The following EPHA3 variants were observed in gnomAD, a reference collection of about 807,000 sequenced individuals.
The protein encoded by EPHA3 is EPH receptor A3, also known as ephrin type-A receptor 3.
EPHA3 carries 42 observed loss-of-function variants against 107.1 expected under a neutral mutation model. The ratio of observed to expected loss-of-function variants is 0.39; its 90% CI spans 0.31 to 0.51. The LOEUF is 0.51. EPHA3 is among the 20% of genes least tolerant of loss of function. EPHA3 has a pLI of 0.78. For missense variants in EPHA3, 1,183 were observed against 1,211.2 expected, an observed-to-expected ratio of 0.98 and a Z score of 0.35; for synonymous variants, 461 against 424.8, an observed-to-expected ratio of 1.09 and a Z score of -1.05.
intron 5 of EPHA3, among the ~76,000 whole-genome samples, chr3:89,389,293 G>A (rs1459943816): frequency 6.6e-6 from 1 of 152,138 alleles, no homozygotes; most frequent in Admixed American, 6.5e-5. Flanking sequence ...AAACTGAGAA[G>A]GAAATGTTCC....
At chr3:89,460,489 T>C (rs1267172271) in intron 15 of EPHA3, among the ~76,000 whole-genome samples, 3 of 151,824 alleles carry the variant, frequency 2.0e-5, no homozygotes, top group Non-Finnish European at 2.9e-5. Context: ...TTTGAAGGGA[T>C]TTATTTTTAT....
intron 13 of EPHA3, among the ~76,000 whole-genome samples, chr3:89,434,657 G>A (rs1709632853): frequency 2.0e-5 from 3 of 152,194 alleles, no homozygotes; most frequent in South Asian, 4.1e-4. Context: ...GAGAACACAG[G>A]GGGTTAACTC....
chr3:89,413,215 G>A lies in EPHA3; in HGVS notation c.1837G>A (p.Ala613Thr), dbSNP rs1323282781. The change falls in exon 10 of 17, where the codon GCC becomes ACC. Residue 613 changes from alanine to threonine, a missense_variant. Physicochemically the swap from Ala to Thr is moderately conservative, Grantham distance 58. Transcript: ENST00000336596. ...CCCTACCCAAGCTGTTCATGAGTTT[G>A]CCAAGGAATTGGATGCCACCAACAT... ...EDPTQAVHEF[A>T]KELDATNISI... 5.0e-6 allele frequency: 8 copies of A among 1,611,922 alleles called. No homozygotes were observed. The highest frequency in any genetic ancestry group is 6.8e-6 in the Non-Finnish European group (8 of 1,178,506).
intron 3 of EPHA3, among the ~76,000 whole-genome samples, chr3:89,320,458 C>T (rs1036835879): frequency 3.3e-5 from 5 of 151,946 alleles, no homozygotes; most frequent in African/African-American, 9.7e-5. Flanking sequence ...ATATTATCTT[C>T]GCTTTAGGGG....
intron 2 of EPHA3, among the ~76,000 whole-genome samples, chr3:89,192,300 A>G (rs1019193319): frequency 2.6e-5 from 4 of 152,178 alleles, no homozygotes; most frequent in African/African-American, 9.7e-5. Flanking sequence ...AACACCTACA[A>G]TACTGTGAGT....
At chr3:89,298,700 C>T (rs1706418166) in intron 3 of EPHA3, among the ~76,000 whole-genome samples, 1 of 151,830 alleles carries the variant, frequency 6.6e-6, no homozygotes. Flanking sequence ...ATTGGAGATG[C>T]CAAGACATAA....
At chr3:89,219,424 A>C (rs1704294908) in intron 3 of EPHA3, among the ~76,000 whole-genome samples, 1 of 152,008 alleles carries the variant, frequency 6.6e-6, no homozygotes, top group Non-Finnish European at 1.5e-5. Flanking sequence ...TGGCCTCCCA[A>C]AGTGCTGGGA....
At chr3:89,243,091 T>G (rs1417497137) in intron 3 of EPHA3, among the ~76,000 whole-genome samples, 1 of 152,106 alleles carries the variant, frequency 6.6e-6, no homozygotes, top group Non-Finnish European at 1.5e-5. Context: ...AACTCATCAT[T>G]TTTTATGGCT....
intron 3 of EPHA3, among the ~76,000 whole-genome samples, chr3:89,326,375 A>C (rs2107389494): frequency 6.6e-6 from 1 of 152,262 alleles, no homozygotes; most frequent in African/African-American, 2.4e-5. Context: ...AGATCTGTAC[A>C]TGTTCAATAC....
intron 5 of EPHA3, among the ~76,000 whole-genome samples, chr3:89,351,145 C>G (rs1707804934): frequency 6.6e-6 from 1 of 151,208 alleles, no homozygotes; most frequent in African/African-American, 2.4e-5. Flanking sequence ...TGGGCTCCAC[C>G]CAGTTCGAGC....
At chr3:89,192,086 T>A (rs1298815207) in intron 2 of EPHA3, among the ~76,000 whole-genome samples, 1 of 152,208 alleles carries the variant, frequency 6.6e-6, no homozygotes, top group Non-Finnish European at 1.5e-5. Flanking sequence ...TATTTTTAAC[T>A]TGTAGGTTGG....
At chr3:89,150,770 AC>A (rs1559753693) in intron 2 of EPHA3, among the ~76,000 whole-genome samples, 1 of 152,096 alleles carries the variant, frequency 6.6e-6, no homozygotes, top group Non-Finnish European at 1.5e-5. Context: ...TATCATTTGT[AC>A]CTTTAGAACA....
intron 3 of EPHA3, among the ~76,000 whole-genome samples, chr3:89,330,934 T>G (rs964189801): frequency 2.0e-5 from 3 of 152,288 alleles, no homozygotes; most frequent in African/African-American, 7.2e-5. Flanking sequence ...TCCTCCATGT[T>G]GCATGTTTTT....
At chr3:89,425,421 T>TTTTTCC in intron 11 of EPHA3, among the ~76,000 whole-genome samples, 1 of 148,380 alleles carries the variant, frequency 6.7e-6, no homozygotes, top group Admixed American at 6.8e-5. Context: ...TTTTTTTCCT[T>TTTTTCC]CCATCCTGAC....
intron 1 of EPHA3, among the ~76,000 whole-genome samples, chr3:89,117,127 A>G (rs1392742215): frequency 6.6e-6 from 1 of 152,120 alleles, no homozygotes; most frequent in Non-Finnish European, 1.5e-5. Flanking sequence ...GTTGGTCAAT[A>G]TCAAAACTGT....
At chr3:89,245,824 G>A (rs934377846) in intron 3 of EPHA3, among the ~76,000 whole-genome samples, 6 of 152,196 alleles carry the variant, frequency 3.9e-5, no homozygotes, top group African/African-American at 1.4e-4. Flanking sequence ...AAAGCCTTTA[G>A]GGAAGTGGGT....
chr3:89,360,808 AATT>A (rs1489974042), intron 5 of EPHA3, among the ~76,000 whole-genome samples: 1 of 151,074 alleles, frequency 6.6e-6, no homozygotes, highest in African/African-American at 2.4e-5. Flanking sequence ...CAGTTTTTTA[AATT>A]ATGTCATAAC....
Position 89,340,992 on chromosome 3 carries a change from G to A in EPHA3, c.891G>A (p.Gln297=). Residue 297 remains glutamine, a synonymous_variant, in exon 4 of 17, where the codon CAG becomes CAA. Transcript: ENST00000336596. ...AGTGCCCGCCTCACAGTTCTACTCA[G>A]GAAGATGGTTCAATGAACTGCAGGT... ...CAKCPPHSST[Q]EDGSMNCRCE... is the part of the protein sequence containing the mutation. The A allele has an allele frequency of 1.2e-6, 2 of 1,614,126 alleles. No homozygotes were observed. The highest frequency in any genetic ancestry group is 1.7e-6 in the Non-Finnish European group (2 of 1,180,022).
chr3:89,416,659 A>G (rs1467360665), intron 10 of EPHA3, among the ~76,000 whole-genome samples: 1 of 151,366 alleles, frequency 6.6e-6, no homozygotes, highest in Non-Finnish European at 1.5e-5. Context: ...GTCTTTTATA[A>G]TATATTGGCG....
Sources: gnomAD v4.1 joint callset for allele counts (sites outside exome capture counted in the v4.1 genomes callset) on GRCh38, gnomAD v4.1.1 for gene constraint, MANE v1.5 for transcripts, NCBI Gene and HGNC (gene_info 2026-07-23, HGNC 2026-07-21) for gene names.